FRY: variants seen among roughly 807,000 people sequenced by gnomAD.
FRY encodes the protein FRY microtubule binding protein.
Under a neutral mutation model 348.4 loss-of-function variants are expected in FRY, and 128 were observed. The ratio of observed to expected loss-of-function variants is 0.37; its 90% CI spans 0.32 to 0.43. FRY has a LOEUF of 0.43. Ranked by LOEUF, FRY falls within the 20% of genes least tolerant of loss-of-function variation. The probability of loss-of-function intolerance (pLI) is 1.00; values close to 1 mark genes in which losing one functional copy is unlikely to be tolerated. For synonymous variants in FRY, 1,370 were observed against 1,374.7 expected (o/e 1.00, Z 0.08); for missense variants, 2,736 against 3,695.2 (o/e 0.74, Z 6.73).
intron 50 of FRY, among the ~76,000 whole-genome samples, 192 bp downstream of exon 50, chr13:32,252,144 GA>G (rs1220158415): frequency 6.6e-6 from 1 of 152,112 alleles, no homozygotes; most frequent in Non-Finnish European, 1.5e-5. Context: ...CAGAAACAAT[GA>G]AAGATCTTGC....
intron 2 of FRY, among the ~76,000 whole-genome samples, chr13:32,081,919 A>G (rs959913546): frequency 3.9e-5 from 6 of 152,216 alleles, no homozygotes; most frequent in Non-Finnish European, 4.4e-5. Flanking sequence ...CTTCTTTTAC[A>G]AAGACATTGA....
chr13:32,268,257 G>A (rs1888017221), intron 55 of FRY, among the ~76,000 whole-genome samples: 1 of 152,050 alleles, frequency 6.6e-6, no homozygotes, highest in Non-Finnish European at 1.5e-5. Flanking sequence ...TTGGCAGGGG[G>A]AGGAGGTGGC....
rs543664805 is a variant in FRY, at chr13:32,227,812, C to T, written c.5207-644C>T. On this transcript the variant is annotated intron_variant, in intron 39 of 60. Coordinates refer to ENST00000542859, the MANE Select transcript of FRY (RefSeq NM_023037.3). ...TGTCTCCCAGGCTGGAGCGCAGCGGCGCGATCTCAGCTCACTGCAAACTCC... is the reference window on the plus strand; with the variant it reads ...TGTCTCCCAGGCTGGAGCGCAGCGGTGCGATCTCAGCTCACTGCAAACTCC... Among the ~76,000 whole-genome samples the T allele has an allele frequency of 1.5e-4, 23 of 148,676 alleles. No homozygotes were observed. In the East Asian group the frequency reaches 3.4e-3, roughly 22 times the overall value.
chr13:32,149,466 TGG>T (rs35844101), intron 13 of FRY, among the ~76,000 whole-genome samples: 3 of 151,202 alleles, frequency 2.0e-5, no homozygotes, highest in African/African-American at 7.3e-5. Flanking sequence ...ATTTGATTTG[TGG>T]GGGGGGGTCT....
chr13:32,209,004 C>G lies in FRY; in HGVS notation c.4170C>G (p.Asp1390Glu). 6.2e-7 allele frequency: 1 copy of G among 1,614,172 alleles called. No homozygotes were observed. Among genetic ancestry groups the G allele is most frequent in the Non-Finnish European group, 8.5e-7 (1 of 1,180,026 alleles). The change falls in exon 32 of 61, where the codon GAC (aspartate) becomes GAG (glutamate). Residue 1390 changes from aspartate (D) to glutamate (E), a missense_variant. By Grantham distance (45) the Asp-to-Glu change is conservative. This residue lies in a region of FRY where 794 missense variants were observed against 977.0 expected (regional missense o/e 0.81). Coordinates refer to ENST00000542859, the MANE Select transcript of FRY (RefSeq NM_023037.3). Reference protein sequence around the residue: ...SPSSPEDEVKDREGDVTASHG... With the variant: ...SPSSPEDEVKEREGDVTASHG... ...GCAGCCCAGAGGACGAAGTCAAGGA[C>G]CGGGAAGGTGACGTGACTGCTTCTC...
intron 31 of FRY, 135 bp downstream of exon 31, chr13:32,202,662 G>A (rs1264413566): frequency 2.4e-6 from 2 of 841,868 alleles, no homozygotes; most frequent in Non-Finnish European, 3.9e-6. Flanking sequence ...TAATTTTAGA[G>A]TTATGACCAG....
chr13:32,121,927 C>A (rs903024156), intron 4 of FRY, among the ~76,000 whole-genome samples: 1 of 152,100 alleles, frequency 6.6e-6, no homozygotes, highest in African/African-American at 2.4e-5. Context: ...AGGTTTAAGT[C>A]CTTAATCCAT....
chr13:32,134,022 GC>G (rs1879545893), intron 8 of FRY, among the ~76,000 whole-genome samples: 1 of 152,052 alleles, frequency 6.6e-6, no homozygotes, highest in Non-Finnish European at 1.5e-5. Flanking sequence ...CAAACGATCT[GC>G]CTGCCTTGGC....
intron 20 of FRY, among the ~76,000 whole-genome samples, chr13:32,175,972 C>A (rs1882334930): frequency 6.6e-6 from 1 of 152,136 alleles, no homozygotes; most frequent in Admixed American, 6.5e-5. Flanking sequence ...TATGTAACTT[C>A]TATTTATGTG....
At chr13:32,127,695 C>T (rs925115911) in intron 7 of FRY, among the ~76,000 whole-genome samples, 1 of 152,054 alleles carries the variant, frequency 6.6e-6, no homozygotes, top group African/African-American at 2.4e-5. Flanking sequence ...AGGAGAATCG[C>T]TTGAACCCGG....
intron 3 of FRY, among the ~76,000 whole-genome samples, chr13:32,110,599 A>G (rs542142571): frequency 2.6e-5 from 4 of 152,098 alleles, no homozygotes; most frequent in African/African-American, 9.6e-5. Flanking sequence ...TGAAAATTCT[A>G]GCTGATGAAT....
intron 32 of FRY, among the ~76,000 whole-genome samples, 157 bp from the exon 33 acceptor site, chr13:32,209,428 C>G (rs1227867380): frequency 1.3e-5 from 2 of 152,180 alleles, no homozygotes; most frequent in African/African-American, 4.8e-5. Context: ...TTATTAACTA[C>G]TGTTTACTGA....
chr13:32,225,110 T>G, intron 38 of FRY, 74 bp downstream of exon 38: 2 of 869,822 alleles, frequency 2.3e-6, no homozygotes, highest in South Asian at 1.3e-5. Flanking sequence ...GAGATTTCCT[T>G]TCACATTGAC....
intron 52 of FRY, 145 bp downstream of exon 52, chr13:32,261,961 T>C (rs190378763): frequency 2.5e-4 from 201 of 790,040 alleles, no homozygotes; most frequent in Admixed American, 1.9e-3. Flanking sequence ...ATACGGGTTC[T>C]AGCTGGCAGA....
intron 29 of FRY, among the ~76,000 whole-genome samples, chr13:32,199,018 G>A (rs558275643): frequency 3.9e-5 from 6 of 152,152 alleles, no homozygotes; most frequent in East Asian, 1.9e-4. Context: ...CTATCAATGC[G>A]TGTCAAAAGT....
rs1294041745 is a variant in FRY, at chr13:32,161,212, A to T, written c.1853A>T (p.Asp618Val). 1 of 1,613,198 alleles carries T rather than the reference A, an allele frequency of 6.2e-7. No individual in the cohort carries two copies. Among genetic ancestry groups the T allele is most frequent in the East Asian group, 2.2e-5 (1 of 44,860 alleles). The stretch of plus-strand genomic sequence containing the variant: ...GCTGCTATTCCTCGACTGCTTCCTG[A>T]TGGGATGTCAAAACTTGAACTTATT... ...CVAAIPRLLP[D>V]GMSKLELIDL... Residue 618 changes from aspartate to valine, a missense_variant, in exon 17 of 61, where the codon GAT becomes GTT. Coordinates refer to ENST00000542859, the MANE Select transcript of FRY (RefSeq NM_023037.3).
rs1215481196 is a variant in FRY, at chr13:32,201,953, C to T, written c.3759C>T (p.Phe1253=). Residue 1253 remains phenylalanine (F), a synonymous_variant, in exon 30 of 61, where the codon TTC becomes TTT. Transcript: ENST00000542859. ...GTTGTGTTTTTAGGAACTATCCCTTCGACATAGTGACATTGTTAAACCTTG... is the reference window on the plus strand; with the variant it reads ...GTTGTGTTTTTAGGAACTATCCCTTTGACATAGTGACATTGTTAAACCTTG... ...ATVCGSRNYP[F]DIVTLLNLVL... The T allele has an allele frequency of 1.9e-6, 3 of 1,573,256 alleles. No homozygotes were observed. The highest frequency in any genetic ancestry group is 3.3e-5 in the Admixed American group (2 of 59,922).
intron 46 of FRY, 123 bp downstream of exon 46, chr13:32,240,004 G>A: frequency 1.3e-6 from 1 of 746,530 alleles, no homozygotes. Context: ...TACAGGCGTG[G>A]GCCACCATTC....
rs982024154 is a variant in FRY at position 32,295,603 on chromosome 13, T to C, written c.*143T>C. Reference sequence around the variant, plus strand: ...CCTGTAGGGCTTTTTCTAAAGAGGATGGCAGAACTTCCAACGTGTAGCAAT... The same window carrying C: ...CCTGTAGGGCTTTTTCTAAAGAGGACGGCAGAACTTCCAACGTGTAGCAAT... On this transcript the variant is annotated 3_prime_UTR_variant, in exon 61 of 61. Transcript: ENST00000542859. 1 of 756,966 alleles carries C rather than the reference T, an allele frequency of 1.3e-6. No homozygotes were observed. Among genetic ancestry groups the C allele is most frequent in the Non-Finnish European group, 2.2e-6 (1 of 446,146 alleles). The allele number at this position is 756,966 out of a possible 1,614,324, so 46.9% of individuals were successfully genotyped here. A position where few individuals can be genotyped will look rare whatever the true frequency, so the allele number is the denominator to read the frequency against.
Sources: gnomAD v4.1 joint callset for allele counts (sites outside exome capture counted in the v4.1 genomes callset) on GRCh38, gnomAD v4.1.1 for gene constraint, gnomAD v4.1.1 regional missense constraint, MANE v1.5 for transcripts, NCBI Gene and HGNC (gene_info 2026-07-23, HGNC 2026-07-21) for gene names.